The following CCBE1 variants were observed in gnomAD, a reference collection of about 807,000 sequenced individuals.
The protein encoded by CCBE1 is collagen and calcium binding EGF domains 1, also known as collagen and calcium-binding EGF domain-containing protein 1.
In CCBE1, 37 loss-of-function variants were observed where a neutral mutation model predicts 50.0. That is an observed-to-expected ratio of 0.74 (90% CI 0.57 to 0.97). CCBE1 has a LOEUF of 0.97. CCBE1 is among the 50% of genes least tolerant of loss of function. The probability of loss-of-function intolerance (pLI) is 0.00; values close to 1 mark genes in which losing one functional copy is unlikely to be tolerated. For synonymous variants in CCBE1, 234 were observed against 203.7 expected (o/e 1.15, Z -1.27); for missense variants, 538 against 523.8 (o/e 1.03, Z -0.26).
chr18:59,566,443 T>TA (rs148890873), intron 2 of CCBE1, among the ~76,000 whole-genome samples: 2,610 of 148,230 alleles, frequency 0.018, 83 homozygotes, highest in African/African-American at 0.061. Flanking sequence ...GAAGCAAAAA[T>TA]AAAAAAAAAA....
intron 2 of CCBE1, among the ~76,000 whole-genome samples, chr18:59,547,143 A>G (rs1379552814): frequency 1.4e-5 from 2 of 142,418 alleles, no homozygotes; most frequent in Non-Finnish European, 3.0e-5. Context: ...GAGGGGAGAG[A>G]GAGGGAGGGA....
intron 7 of CCBE1, among the ~76,000 whole-genome samples, chr18:59,443,203 A>C (rs1910517674): frequency 6.6e-6 from 1 of 152,200 alleles, no homozygotes; most frequent in Admixed American, 6.5e-5. Flanking sequence ...AGTTGTAAAC[A>C]GCCGCTTTGT....
At chr18:59,558,144 A>C (rs1362512941) in intron 2 of CCBE1, among the ~76,000 whole-genome samples, 1 of 152,250 alleles carries the variant, frequency 6.6e-6, no homozygotes, top group Non-Finnish European at 1.5e-5. Context: ...CGCTAGCTGA[A>C]GTAAAGCAAG....
At chr18:59,585,440 A>G (rs2053165167) in intron 2 of CCBE1, among the ~76,000 whole-genome samples, 1 of 152,050 alleles carries the variant, frequency 6.6e-6, no homozygotes, top group African/African-American at 2.4e-5. Flanking sequence ...TTGGGCTATC[A>G]CTGAATTCCC....
Position 59,435,067 on chromosome 18 carries a change from C to T in CCBE1, c.*841G>A, listed in dbSNP as rs951446967. 10 of 152,332 alleles carry T rather than the reference C, an allele frequency of 6.6e-5. No homozygotes were observed. Among genetic ancestry groups the T allele is most frequent in the African/African-American group, 2.2e-4 (9 of 41,576 alleles). The allele number at this position is 152,332 out of a possible 1,614,324, so 9.4% of individuals were successfully genotyped here. A position where few individuals can be genotyped will look rare whatever the true frequency, so the allele number is the denominator to read the frequency against. ...ATCTATATTTATAGAGCAGACTCCA[C>T]TGTTGATTAAACAGCTTTAAAATAT... is the stretch of plus-strand genomic sequence containing the variant. On this transcript the variant is annotated 3_prime_UTR_variant, in exon 11 of 11. Coordinates refer to ENST00000439986, the MANE Select transcript of CCBE1 (RefSeq NM_133459.4).
At chr18:59,606,235 A>G (rs1568230642) in intron 2 of CCBE1, among the ~76,000 whole-genome samples, 1 of 152,094 alleles carries the variant, frequency 6.6e-6, no homozygotes, top group Non-Finnish European at 1.5e-5. Context: ...AGGCATTAGA[A>G]CTCCCACAGA....
At chr18:59,598,114 C>G (rs79534682) in intron 2 of CCBE1, among the ~76,000 whole-genome samples, 2,610 of 152,272 alleles carry the variant, frequency 0.017, 85 homozygotes, top group African/African-American at 0.06. Context: ...CTTCCAGTGA[C>G]AGCACTGGTT....
At chr18:59,509,625 T>C (rs983456853) in intron 2 of CCBE1, among the ~76,000 whole-genome samples, 2 of 152,124 alleles carry the variant, frequency 1.3e-5, no homozygotes, top group Non-Finnish European at 2.9e-5. Context: ...ACATTTTGAA[T>C]CTAGCACATG....
At chr18:59,518,422 C>T (rs1459785614) in intron 2 of CCBE1, among the ~76,000 whole-genome samples, 5 of 152,274 alleles carry the variant, frequency 3.3e-5, no homozygotes, top group Non-Finnish European at 7.4e-5. Context: ...ACTTGGGAGG[C>T]AGAGGTTGCA....
chr18:59,492,250 T>C (rs987641671), intron 2 of CCBE1, among the ~76,000 whole-genome samples: 3 of 152,022 alleles, frequency 2.0e-5, no homozygotes, highest in Admixed American at 6.6e-5. Context: ...TATTTTTTTT[T>C]CCCTCTGGTA....
At chr18:59,466,506 G>A (rs1182931005) in intron 5 of CCBE1, among the ~76,000 whole-genome samples, 1 of 151,732 alleles carries the variant, frequency 6.6e-6, no homozygotes, top group Non-Finnish European at 1.5e-5. Flanking sequence ...GTGTGAGAAC[G>A]AACTTATACA....
chr18:59,528,509 T>A (rs1914917633), intron 2 of CCBE1, among the ~76,000 whole-genome samples: 1 of 152,238 alleles, frequency 6.6e-6, no homozygotes, highest in South Asian at 2.1e-4. Flanking sequence ...GTGCCCTTGC[T>A]GGAGAGGAGT....
At position 59,601,968 on chromosome 18, in the gene CCBE1, A is replaced by T. The variant is rs115799485; in HGVS notation, c.212+94661T>A. Among the ~76,000 whole-genome samples the T allele has an allele frequency of 3.7e-3, 563 of 152,284 alleles. 6 individuals carry two copies. Among genetic ancestry groups the T allele is most frequent in the East Asian group, 0.032 (165 of 5,184 alleles). ...AAATGATTAGCAAATTCAACAACTG[A>T]TTAGTTAGAACATCCACAAACCTGA... is the stretch of plus-strand genomic sequence containing the variant. On this transcript the variant is annotated intron_variant, in intron 2 of 10. Coordinates refer to ENST00000439986, the MANE Select transcript of CCBE1 (RefSeq NM_133459.4).
intron 2 of CCBE1, among the ~76,000 whole-genome samples, chr18:59,548,300 A>G (rs947017324): frequency 2.6e-5 from 4 of 152,224 alleles, no homozygotes; most frequent in African/African-American, 4.8e-5. Context: ...ACATGAAGAC[A>G]ATAAAATTAT....
intron 2 of CCBE1, among the ~76,000 whole-genome samples, chr18:59,655,212 T>C (rs1455726042): frequency 6.6e-6 from 1 of 152,188 alleles, no homozygotes; most frequent in Non-Finnish European, 1.5e-5. Context: ...GGGCCTCCTT[T>C]TCTGGTTCTA....
At chr18:59,496,789 T>C (rs1294593987) in intron 2 of CCBE1, among the ~76,000 whole-genome samples, 1 of 152,214 alleles carries the variant, frequency 6.6e-6, no homozygotes, top group East Asian at 1.9e-4. Flanking sequence ...ATTCATTTTG[T>C]ATCCCTGCTG....
intron 2 of CCBE1, among the ~76,000 whole-genome samples, chr18:59,485,638 C>A (rs1912784949): frequency 7.4e-6 from 1 of 135,006 alleles, no homozygotes; most frequent in African/African-American, 2.9e-5. Context: ...TGAGATGGAG[C>A]ATTGCTCTGT....
chr18:59,437,670 A>G (rs955556930), intron 10 of CCBE1, among the ~76,000 whole-genome samples: 1 of 142,124 alleles, frequency 7.0e-6, no homozygotes, highest in Non-Finnish European at 1.6e-5. Flanking sequence ...CAGGTCCTAA[A>G]CAGCCCTGCG....
At chr18:59,547,172 G>C (rs1218306824) in intron 2 of CCBE1, among the ~76,000 whole-genome samples, 1 of 151,380 alleles carries the variant, frequency 6.6e-6, no homozygotes, top group African/African-American at 2.4e-5. Flanking sequence ...AGGAGAGGGA[G>C]AGAGAGGCAC....
Sources: allele counts gnomAD v4.1 joint callset (sites outside exome capture counted in the v4.1 genomes callset), GRCh38; gene constraint gnomAD v4.1.1; transcripts MANE v1.5; gene names NCBI Gene and HGNC (gene_info 2026-07-23, HGNC 2026-07-21).